ZBTB24: variants seen among roughly 807,000 people sequenced by gnomAD.
ZBTB24 encodes the protein zinc finger and BTB domain-containing protein 24.
In ZBTB24, 32 loss-of-function variants were observed where a neutral mutation model predicts 53.8. The observed-to-expected ratio is 0.60, with a 90% CI of 0.45 to 0.80. The LOEUF is 0.80. Ranked by LOEUF, ZBTB24 falls within the 30% of genes least tolerant of loss-of-function variation. The probability of loss-of-function intolerance (pLI) is 0.00; values close to 1 mark genes in which losing one functional copy is unlikely to be tolerated. For synonymous variants in ZBTB24, 297 were observed against 306.7 expected (o/e 0.97, Z 0.33); for missense variants, 722 against 837.1 (o/e 0.86, Z 1.70).
At chr6:109,471,578 C>A (rs1562301183) in intron 5 of ZBTB24, among the ~76,000 whole-genome samples, 1 of 152,160 alleles carries the variant, frequency 6.6e-6, no homozygotes, top group Non-Finnish European at 1.5e-5. Context: ...GGAACACCAT[C>A]CAGGAACAGG....
intron 2 of ZBTB24, chr6:109,480,834 TA>T: frequency 1.5e-6 from 1 of 673,758 alleles, no homozygotes; most frequent in Non-Finnish European, 1.8e-6. Context: ...GCTTCATCTG[TA>T]AACTATGCAC....
chr6:109,481,804 A>T lies in ZBTB24; in HGVS notation c.223T>A (p.Ser75Thr). Residue 75 changes from serine (S) to threonine (T), a missense_variant, in exon 2 of 7, where the codon TCC becomes ACC. Coordinates refer to ENST00000230122, the MANE Select transcript of ZBTB24 (RefSeq NM_014797.3). ...MFAEEGEIGQ[S>T]IYMLEGMVAD... ...ACCATGCCTTCCAGCATATAAATGG[A>T]TTGGCCGATTTCCCCCTCTTCTGCA... 1 of 1,614,242 alleles carries T rather than the reference A, an allele frequency of 6.2e-7. No individual in the cohort carries two copies. Among genetic ancestry groups the T allele is most frequent in the Non-Finnish European group, 8.5e-7 (1 of 1,180,038 alleles).
chr6:109,472,102 G>T (rs181719769), intron 5 of ZBTB24, among the ~76,000 whole-genome samples: 10 of 152,290 alleles, frequency 6.6e-5, no homozygotes, highest in African/African-American at 2.4e-4. Context: ...AAGAGATGAA[G>T]TCTTGGTTTC....
chr6:109,479,915 C>CAA (rs200514874), intron 2 of ZBTB24, among the ~76,000 whole-genome samples: 38 of 41,814 alleles, frequency 9.1e-4, no homozygotes, highest in South Asian at 1.2e-3. Flanking sequence ...GAATCCATCT[C>CAA]AAAAAAAAAA....
chr6:109,472,481 G>A (rs1178320747), intron 5 of ZBTB24, among the ~76,000 whole-genome samples: 1 of 151,988 alleles, frequency 6.6e-6, no homozygotes, highest in Non-Finnish European at 1.5e-5. Context: ...TACTCACAAA[G>A]CCCAGAAACC....
chr6:109,470,814 T>C (rs1408781056), intron 5 of ZBTB24, among the ~76,000 whole-genome samples: 1 of 152,246 alleles, frequency 6.6e-6, no homozygotes, highest in Non-Finnish European at 1.5e-5. Flanking sequence ...ATGGCGAATA[T>C]CTTTACAGAC....
Position 109,481,289 on chromosome 6 carries a change from G to A in ZBTB24, c.738C>T (p.Gly246=). The A allele has an allele frequency of 6.2e-7, 1 of 1,614,104 alleles. No homozygotes were observed. The highest frequency in any genetic ancestry group is 8.5e-7 in the Non-Finnish European group (1 of 1,180,016). Reference sequence around the variant, plus strand: ...TGCTGTATCGACTCTGGCTTGCCTGGCCATCCTCGGTCTTGGGATCATAGT... The same window carrying A: ...TGCTGTATCGACTCTGGCTTGCCTGACCATCCTCGGTCTTGGGATCATAGT... ...DENYDPKTED[G]QASQSRYSKR... is the part of the protein sequence containing the mutation. The change falls in exon 2 of 7, where the codon GGC becomes GGT. Residue 246 remains glycine, a synonymous_variant. Coordinates refer to ENST00000230122, the MANE Select transcript of ZBTB24 (RefSeq NM_014797.3).
At position 109,465,824 on chromosome 6, in the gene ZBTB24, A is replaced by C; in HGVS notation, c.*27T>G. On this transcript the variant is annotated 3_prime_UTR_variant, in exon 7 of 7. Transcript: ENST00000230122. ...CAGAGCTGGCTTATAAGAAGAGCCC[A>C]ATCAAGCAGTCAAACGTGTTTACAG... is the stretch of plus-strand genomic sequence containing the variant. 1 of 1,614,188 alleles carries C rather than the reference A, an allele frequency of 6.2e-7. No homozygotes were observed. The highest frequency in any genetic ancestry group is 8.5e-7 in the Non-Finnish European group (1 of 1,180,036).
Position 109,481,595 on chromosome 6 carries a change from A to G in ZBTB24, c.432T>C (p.Gly144=). 6.2e-7 allele frequency: 1 copy of G among 1,614,196 alleles called. No homozygotes were observed. Among genetic ancestry groups the G allele is most frequent in the Middle Eastern group, 1.6e-4 (1 of 6,062 alleles). Residue 144 remains glycine (G), a synonymous_variant, in exon 2 of 7, where the codon GGT becomes GGC. Coordinates refer to ENST00000230122, the MANE Select transcript of ZBTB24 (RefSeq NM_014797.3). ...TATTAGAGATAACAACCACTGGGGC[A>G]CCAGCAGTGTTCAAAGTTGTTGGCT... ...SPKPTTLNTA[G]APVVVISNKK...
intron 3 of ZBTB24, 23 bp downstream of exon 3, chr6:109,476,740 G>C (rs1562302859): frequency 1.2e-6 from 2 of 1,609,626 alleles, no homozygotes; most frequent in East Asian, 4.5e-5. Context: ...GGTGAAGCTG[G>C]CCCTCTGGGC....
Position 109,464,600 on chromosome 6 carries a change from C to T in ZBTB24, c.*1251G>A, listed in dbSNP as rs550631761. 72 of 152,264 alleles carry T rather than the reference C, an allele frequency of 4.7e-4. No individual in the cohort carries two copies. The highest frequency in any genetic ancestry group is 1.6e-3 in the African/African-American group (68 of 41,532). The allele number at this position is 152,264 out of a possible 1,614,324, so 9.4% of individuals were successfully genotyped here. ...TGATGATTTAAAAATCATACAATTA[C>T]AGACACATGCTGGCTACAAAGTCTC... On this transcript the variant is annotated 3_prime_UTR_variant, in exon 7 of 7. Transcript: ENST00000230122.
intron 1 of ZBTB24, among the ~76,000 whole-genome samples, chr6:109,482,381 A>G (rs1004682657): frequency 2.6e-5 from 4 of 151,962 alleles, no homozygotes; most frequent in Non-Finnish European, 5.9e-5. Context: ...CAGGAGCATC[A>G]CCTGAGCCTG....
At position 109,466,423 on chromosome 6, in the gene ZBTB24, G is replaced by A. The variant is rs759712783; in HGVS notation, c.1522C>T (p.His508Tyr). The A allele has an allele frequency of 1.2e-6, 2 of 1,614,122 alleles. No individual in the cohort carries two copies. The highest frequency in any genetic ancestry group is 1.7e-6 in the Non-Finnish European group (2 of 1,180,028). ...TTCTCCTTGCTATGAATTTTCAAGT[G>A]AGCCTTCAAGTTGTCTAAGCGAGCA... Reference protein sequence around the residue: ...QFARLDNLKAHLKIHSKEKHA... With the variant: ...QFARLDNLKAYLKIHSKEKHA... The change falls in exon 7 of 7, where the codon CAC becomes TAC. Residue 508 changes from histidine (H) to tyrosine (Y), a missense_variant. Coordinates refer to ENST00000230122, the MANE Select transcript of ZBTB24 (RefSeq NM_014797.3).
At chr6:109,467,976 A>C (rs1277788335) in intron 5 of ZBTB24, among the ~76,000 whole-genome samples, 3 of 152,112 alleles carry the variant, frequency 2.0e-5, no homozygotes, top group Non-Finnish European at 4.4e-5. Flanking sequence ...GGTTCTCTTA[A>C]AAACCTGAAA....
At position 109,465,985 on chromosome 6, in the gene ZBTB24, G is replaced by C. The variant is rs1248249427; in HGVS notation, c.1960C>G (p.Gln654Glu). 6.2e-7 allele frequency: 1 copy of C among 1,614,218 alleles called. No homozygotes were observed. Residue 654 changes from glutamine to glutamate, a missense_variant, in exon 7 of 7, where the codon CAA becomes GAA. By Grantham distance (29) the Gln-to-Glu change is conservative. Coordinates refer to ENST00000230122, the MANE Select transcript of ZBTB24 (RefSeq NM_014797.3). Reference protein sequence around the residue: ...TLEHLHAHQEQTEELHLATST... With the variant: ...TLEHLHAHQEETEELHLATST... Reference sequence around the variant, plus strand: ...GTAGCTAAATGGAGCTCCTCTGTTTGCTCTTGATGGGCATGAAGATGTTCC... The same window carrying C: ...GTAGCTAAATGGAGCTCCTCTGTTTCCTCTTGATGGGCATGAAGATGTTCC...
rs750064660 is a variant in ZBTB24 at position 109,481,215 on chromosome 6, C to A, written c.812G>T (p.Gly271Val). ...SVKLKDYKLVGDQEDHGSAKR... is the reference protein window; with the variant it reads ...SVKLKDYKLVVDQEDHGSAKR... ...GGCTGAACCATGGTCCTCTTGATCC[C>A]CAACAAGTTTGTAATCTTTAAGTTT... Residue 271 changes from glycine to valine, a missense_variant, in exon 2 of 7, where the codon GGG becomes GTG. Gly to Val is a moderately radical substitution (Grantham distance 109). Coordinates refer to ENST00000230122, the MANE Select transcript of ZBTB24 (RefSeq NM_014797.3). 6.2e-7 allele frequency: 1 copy of A among 1,614,194 alleles called. No individual in the cohort carries two copies. The highest frequency in any genetic ancestry group is 8.5e-7 in the Non-Finnish European group (1 of 1,180,036).
At position 109,481,700 on chromosome 6, in the gene ZBTB24, G is replaced by A; in HGVS notation, c.327C>T (p.Ile109=). ...LHASEKSTEQ[I]LATAQFLKVY... Reference sequence around the variant, plus strand: ...CTTTTAAGAACTGAGCAGTAGCCAGGATTTGTTCTGTACTTTTCTCACTGG... The same window carrying A: ...CTTTTAAGAACTGAGCAGTAGCCAGAATTTGTTCTGTACTTTTCTCACTGG... The change falls in exon 2 of 7, where the codon ATC becomes ATT. Residue 109 remains isoleucine, a synonymous_variant. Transcript: ENST00000230122. 2 of 1,614,150 alleles carry A rather than the reference G, an allele frequency of 1.2e-6. No homozygotes were observed. Among genetic ancestry groups the A allele is most frequent in the Non-Finnish European group, 1.7e-6 (2 of 1,180,032 alleles).
At chr6:109,466,691 T>A in intron 6 of ZBTB24, 117 bp from the exon 7 acceptor site, 2 of 1,360,826 alleles carry the variant, frequency 1.5e-6, no homozygotes, top group East Asian at 2.5e-5. Context: ...AAGTCATAAG[T>A]CATGGGTTCA....
chr6:109,481,446 T>A lies in ZBTB24; in HGVS notation c.581A>T (p.Asn194Ile), dbSNP rs200325007. 300 of 1,614,260 alleles carry A rather than the reference T, an allele frequency of 1.9e-4. No individual in the cohort carries two copies. The highest frequency in any genetic ancestry group is 1.0e-3 in the Admixed American group (61 of 60,022). ...IQLRVNNSVQ[N>I]RQNFVVKGDS... ...TCCTTTAACCACAAAGTTTTGTCTA[T>A]TCTGAACTGAATTGTTCACTCTTAA... Residue 194 changes from asparagine (N) to isoleucine (I), a missense_variant, in exon 2 of 7, where the codon AAT (asparagine) becomes ATT (isoleucine). Asn to Ile is a moderately radical substitution (Grantham distance 149). Coordinates refer to ENST00000230122, the MANE Select transcript of ZBTB24 (RefSeq NM_014797.3).
Sources: gnomAD v4.1 joint callset for allele counts (sites outside exome capture counted in the v4.1 genomes callset) on GRCh38, gnomAD v4.1.1 for gene constraint, MANE v1.5 for transcripts, NCBI Gene and HGNC (gene_info 2026-07-23, HGNC 2026-07-21) for gene names.